SORBS2: variants seen among roughly 807,000 people sequenced by gnomAD.
SORBS2 encodes sorbin and SH3 domain-containing protein 2.
Under a neutral mutation model 97.7 loss-of-function variants are expected in SORBS2, and 46 were observed. The observed-to-expected ratio is 0.47, with a 90% confidence interval of 0.37 to 0.60. The LOEUF (loss-of-function observed/expected upper bound fraction) is 0.60. Among genes scored for constraint, SORBS2 ranks in the 20% least tolerant of loss-of-function variants. The pLI is 0.00. For missense variants in SORBS2, 1,316 were observed against 1,282.3 expected, an observed-to-expected ratio of 1.03 and a Z score of -0.40; for synonymous variants, 476 against 473.4, an observed-to-expected ratio of 1.01 and a Z score of -0.07.
At chr4:185,638,552 G>A (rs1420567242) in intron 4 of SORBS2, among the ~76,000 whole-genome samples, 1 of 152,122 alleles carries the variant, frequency 6.6e-6, no homozygotes, top group East Asian at 1.9e-4. Flanking sequence ...GCTCTTTTGG[G>A]CGAGTCACTT....
At chr4:185,642,970 G>A (rs987146009) in intron 4 of SORBS2, among the ~76,000 whole-genome samples, 6 of 152,372 alleles carry the variant, frequency 3.9e-5, no homozygotes, top group African/African-American at 1.4e-4. Flanking sequence ...TGACTGCAAG[G>A]GTGAAACCTG....
At chr4:185,874,866 T>TTTTTTTTTTGC (rs775209042) in intron 1 of SORBS2, among the ~76,000 whole-genome samples, 4 of 113,444 alleles carry the variant, frequency 3.5e-5, no homozygotes, top group Admixed American at 9.6e-5. Context: ...TGATTTTTTT[T>TTTTTTTTTTGC]TTTTTTGCAT....
chr4:185,840,476 C>A (rs2099210847), intron 1 of SORBS2, among the ~76,000 whole-genome samples: 1 of 152,144 alleles, frequency 6.6e-6, no homozygotes, highest in Non-Finnish European at 1.5e-5. Context: ...TACTAATTTC[C>A]TCTAAACCTG....
chr4:185,748,445 T>G (rs1005894256), intron 2 of SORBS2, among the ~76,000 whole-genome samples: 2 of 152,190 alleles, frequency 1.3e-5, no homozygotes, highest in Admixed American at 1.3e-4. Context: ...CTTCCAGAAT[T>G]TGGAGTAAGG....
At chr4:185,730,189 C>T (rs960208236) in intron 2 of SORBS2, among the ~76,000 whole-genome samples, 6 of 151,880 alleles carry the variant, frequency 4.0e-5, no homozygotes, top group African/African-American at 1.5e-4. Context: ...GTGAAGTTTA[C>T]ATTTTCAAAG....
intron 1 of SORBS2, among the ~76,000 whole-genome samples, chr4:185,848,567 T>C (rs6833174): frequency 0.54 from 81,760 of 150,384 alleles, 22,714 homozygotes; most frequent in East Asian, 0.78. Flanking sequence ...TCTAGTATTC[T>C]AGTGGTTCAG....
rs535695706 is a variant in SORBS2, at chr4:185,923,472, A to ATTTTTTTTTTTTTTTTTTTT, written c.-338+32723_-338+32724insAAAAAAAAAAAAAAAAAAAA. ...TGCTTGGCTAAGTTTCTTTTTTTTA[A>ATTTTTTTTTTTTTTTTTTTT]TTTTTTTTTTTTGTAGAGACAGGAC... On this transcript the variant is annotated intron_variant, in intron 1 of 20. Transcript: ENST00000284776. 4.2e-3 allele frequency among the ~76,000 whole-genome samples: 466 copies of ATTTTTTTTTTTTTTTTTTTT among 110,408 alleles called. 31 individuals are homozygous for ATTTTTTTTTTTTTTTTTTTT. Among genetic ancestry groups the ATTTTTTTTTTTTTTTTTTTT allele is most frequent in the Non-Finnish European group, 5.5e-3 (305 of 55,770 alleles). 72.4% of individuals were successfully genotyped at this position (110,408 alleles called of 152,430 possible). A position where few individuals can be genotyped will look rare whatever the true frequency, so the allele number is the denominator to read the frequency against.
intron 12 of SORBS2, among the ~76,000 whole-genome samples, chr4:185,604,005 A>C (rs1263775726): frequency 1.3e-5 from 2 of 152,200 alleles, no homozygotes; most frequent in African/African-American, 4.8e-5. Flanking sequence ...GACGGGAGAC[A>C]ATGAGTCCAC....
chr4:185,911,678 G>A (rs528650007), intron 1 of SORBS2, among the ~76,000 whole-genome samples: 11 of 152,210 alleles, frequency 7.2e-5, no homozygotes, highest in South Asian at 2.1e-4. Flanking sequence ...AGGTGGCAGC[G>A]GTGACAGACT....
chr4:185,839,961 A>T (rs2099210481), intron 1 of SORBS2, among the ~76,000 whole-genome samples: 1 of 151,122 alleles, frequency 6.6e-6, no homozygotes, highest in South Asian at 2.1e-4. Context: ...CTTACGATGT[A>T]GGATATCGTC....
At chr4:185,898,568 G>A (rs1354083345) in intron 1 of SORBS2, among the ~76,000 whole-genome samples, 1 of 152,124 alleles carries the variant, frequency 6.6e-6, no homozygotes, top group African/African-American at 2.4e-5. Context: ...GTCAGTAACG[G>A]GTGGCAAAAT....
intron 1 of SORBS2, among the ~76,000 whole-genome samples, chr4:185,936,759 A>C (rs951308333): frequency 6.6e-6 from 1 of 151,942 alleles, no homozygotes; most frequent in Non-Finnish European, 1.5e-5. Context: ...TGCAATTTAC[A>C]GAAGATTTCC....
chr4:185,942,630 T>C lies in SORBS2; in HGVS notation c.-338+13566A>G, dbSNP rs568851483. On this transcript the variant is annotated intron_variant, in intron 1 of 20. Transcript: ENST00000284776. ...TCCCAAAGTGCTGGGATTATAGGCA[T>C]GAGCCACCGCGCATGGCCCCATATT... Among the ~76,000 whole-genome samples, 7 of 152,314 alleles carry C rather than the reference T, an allele frequency of 4.6e-5. No homozygotes were observed. In the East Asian group the frequency reaches 1.4e-3, roughly 30 times the overall value.
At chr4:185,723,516 G>C (rs556736429) in intron 2 of SORBS2, among the ~76,000 whole-genome samples, 43 of 152,348 alleles carry the variant, frequency 2.8e-4, no homozygotes, top group African/African-American at 1.0e-3. Flanking sequence ...GCCCGTACCA[G>C]TGCACTCAAA....
Position 185,886,488 on chromosome 4 carries a change from G to A in SORBS2, c.-338+69708C>T, listed in dbSNP as rs189270019. On this transcript the variant is annotated intron_variant, in intron 1 of 20. Coordinates refer to the SORBS2 transcript ENST00000284776. The stretch of plus-strand genomic sequence containing the variant: ...GAAAATTGCTTGAACCTGGGAGGCG[G>A]AGGTTGCAGTGAGCCAAGATCATAC... Among the ~76,000 whole-genome samples, 187 of 147,268 alleles carry A rather than the reference G, an allele frequency of 1.3e-3. 1 individual carries two copies. Among genetic ancestry groups the A allele is most frequent in the African/African-American group, 4.5e-3 (175 of 39,270 alleles).
At chr4:185,814,275 T>C (rs2099191904) in intron 1 of SORBS2, among the ~76,000 whole-genome samples, 1 of 151,926 alleles carries the variant, frequency 6.6e-6, no homozygotes, top group Non-Finnish European at 1.5e-5. Flanking sequence ...CTCACACCTT[T>C]ATTCCCAGCA....
chr4:185,774,598 C>A (rs1437409429), intron 2 of SORBS2: 4 of 152,056 alleles, frequency 2.6e-5, no homozygotes, highest in Admixed American at 1.3e-4. Flanking sequence ...GTTAGAGAAA[C>A]CTGCCAGCAG....
chr4:185,916,387 T>A (rs1376285814), intron 1 of SORBS2, among the ~76,000 whole-genome samples: 1 of 152,220 alleles, frequency 6.6e-6, no homozygotes, highest in South Asian at 2.1e-4. Context: ...ATTCTGGACA[T>A]GTCAGTCTCA....
At chr4:185,838,745 C>T (rs2099209713) in intron 1 of SORBS2, among the ~76,000 whole-genome samples, 1 of 152,180 alleles carries the variant, frequency 6.6e-6, no homozygotes, top group South Asian at 2.1e-4. Context: ...TTTGCCTCTG[C>T]CTCGGGCTCT....
Sources: allele counts gnomAD v4.1 joint callset (sites outside exome capture counted in the v4.1 genomes callset), GRCh38; gene constraint gnomAD v4.1.1; transcripts MANE v1.5; gene names NCBI Gene and HGNC (gene_info 2026-07-23, HGNC 2026-07-21).